Variants in SNX19 observed in about 807,000 individuals in gnomAD.
SNX19 encodes sorting nexin 19, also known as sorting nexin-19.
A neutral mutation model predicts 85.2 loss-of-function variants in SNX19; 60 were observed. That is an observed-to-expected ratio of 0.70 (90% CI 0.57 to 0.87). SNX19 has a LOEUF of 0.87. SNX19 is among the 40% of genes least tolerant of loss of function. The pLI, the probability that SNX19 is intolerant of heterozygous loss-of-function variation, is 0.00. For missense variants in SNX19, 1,201 were observed against 1,217.8 expected (o/e 0.99, Z 0.21); for synonymous variants, 520 against 470.0 (o/e 1.11, Z -1.38).
At position 130,873,602 on chromosome 11, in the gene SNX19, T is replaced by C. The variant is rs756179863; in HGVS notation, c.*4820A>G. 1.5e-4 allele frequency among the ~76,000 whole-genome samples: 23 copies of C among 152,162 alleles called. No homozygotes were observed. The highest frequency in any genetic ancestry group is 4.1e-4 in the African/African-American group (17 of 41,446). On this transcript the variant is annotated 3_prime_UTR_variant, in exon 11 of 11. Coordinates refer to ENST00000265909, the MANE Select transcript of SNX19 (RefSeq NM_014758.3). Reference sequence around the variant, plus strand: ...ACCTAGAAAATGGGGATATATTAGATTGGTGCAAAAGTAATTGCATTAAAA... The same window carrying C: ...ACCTAGAAAATGGGGATATATTAGACTGGTGCAAAAGTAATTGCATTAAAA...
intron 8 of SNX19, among the ~76,000 whole-genome samples, chr11:130,884,754 C>A (rs1167925791): frequency 2.0e-5 from 3 of 151,522 alleles, no homozygotes; most frequent in Non-Finnish European, 4.4e-5. Flanking sequence ...CCTGTAGTCT[C>A]CAGCTACTCG....
At chr11:130,909,369 C>T (rs1945914362) in intron 4 of SNX19, among the ~76,000 whole-genome samples, 1 of 152,222 alleles carries the variant, frequency 6.6e-6, no homozygotes, top group Non-Finnish European at 1.5e-5. Flanking sequence ...GGCTACTCTT[C>T]CGCCAATGTG....
rs1427061182 is a variant in SNX19 at position 130,867,182 on chromosome 11, C to T, written c.*11240G>A. 1.3e-5 allele frequency: 2 copies of T among 152,318 alleles called. No homozygotes were observed. Among genetic ancestry groups the T allele is most frequent in the East Asian group, 3.9e-4 (2 of 5,190 alleles). The allele number at this position is 152,318 out of a possible 1,614,324, so 9.4% of individuals were successfully genotyped here. A position where few individuals can be genotyped will look rare whatever the true frequency, so the allele number is the denominator to read the frequency against. The stretch of plus-strand genomic sequence containing the variant: ...GCTCTCTGCATTTCAGTTTCCTCTT[C>T]AGTAAAATGAGGACATGAGTATTAA... On this transcript the variant is annotated 3_prime_UTR_variant, in exon 11 of 11. Transcript: ENST00000265909.
intron 8 of SNX19, among the ~76,000 whole-genome samples, chr11:130,899,072 G>T (rs1297119843): frequency 6.6e-6 from 1 of 152,152 alleles, no homozygotes; most frequent in Non-Finnish European, 1.5e-5. Flanking sequence ...TAAAATGAGG[G>T]TCATAGTACC....
chr11:130,894,016 G>A, intron 8 of SNX19: 1 of 576,364 alleles, frequency 1.7e-6, no homozygotes. Context: ...ATGGGGGAGA[G>A]CCAAACGGTC....
intron 5 of SNX19, among the ~76,000 whole-genome samples, chr11:130,907,685 A>G (rs916202607): frequency 1.3e-5 from 2 of 152,198 alleles, no homozygotes; most frequent in African/African-American, 4.8e-5. Flanking sequence ...TAGTCAAAAG[A>G]GAATATTCTT....
rs1322732309 is a variant in SNX19, at chr11:130,874,441, C to T, written c.*3981G>A. ...TCTCTGGGTGTGATGCCTGAAACTGCAGCAGCAGGAAGGCAGGCAGTCTGA... is the reference window on the plus strand; with the variant it reads ...TCTCTGGGTGTGATGCCTGAAACTGTAGCAGCAGGAAGGCAGGCAGTCTGA... On this transcript the variant is annotated 3_prime_UTR_variant, in exon 11 of 11. Transcript: ENST00000265909. 3.9e-5 allele frequency among the ~76,000 whole-genome samples: 6 copies of T among 152,314 alleles called. No homozygotes were observed. In the East Asian group the frequency reaches 9.6e-4, roughly 24 times the overall value.
chr11:130,910,911 T>A (rs542878553), intron 2 of SNX19, among the ~76,000 whole-genome samples: 1 of 152,306 alleles, frequency 6.6e-6, no homozygotes, highest in Non-Finnish European at 1.5e-5. Flanking sequence ...TAAAAAATAT[T>A]TGGCTGGGCG....
In SNX19 at chr11:130,914,983, T is replaced by C; in HGVS notation, c.957A>G (p.Pro319=). Residue 319 remains proline, a synonymous_variant, in exon 1 of 11, where the codon CCA becomes CCG. Coordinates refer to ENST00000265909, the MANE Select transcript of SNX19 (RefSeq NM_014758.3). ...AAPVFLSYSE[P]EGSAGPSPEV... Reference sequence around the variant, plus strand: ...CTGGAGAGGGGCCTGCAGAACCCTCTGGCTCACTGTAACTTAGGAATACTG... The same window carrying C: ...CTGGAGAGGGGCCTGCAGAACCCTCCGGCTCACTGTAACTTAGGAATACTG... The C allele has an allele frequency of 6.2e-7, 1 of 1,614,192 alleles. No individual in the cohort carries two copies. The highest frequency in any genetic ancestry group is 1.3e-5 in the African/African-American group (1 of 75,064).
chr11:130,891,493 C>T (rs948014919), intron 8 of SNX19, among the ~76,000 whole-genome samples: 1 of 152,026 alleles, frequency 6.6e-6, no homozygotes, highest in African/African-American at 2.4e-5. Context: ...GGGAAATAGG[C>T]CCAGAGGATA....
intron 10 of SNX19, among the ~76,000 whole-genome samples, chr11:130,879,322 G>A (rs1224425135): frequency 6.6e-6 from 1 of 152,192 alleles, no homozygotes; most frequent in African/African-American, 2.4e-5. Context: ...CAAGCCTGGA[G>A]GATAAGAGGT....
At chr11:130,913,478 G>A (rs1231788138) in intron 1 of SNX19, among the ~76,000 whole-genome samples, 2 of 152,206 alleles carry the variant, frequency 1.3e-5, no homozygotes, top group African/African-American at 4.8e-5. Flanking sequence ...ATGCAGCTGT[G>A]TTGAGCAGAT....
Position 130,911,679 on chromosome 11 carries a change from C to CA in SNX19, c.1766dup (p.Gln590AlafsTer21). 1 of 1,614,152 alleles carries CA rather than the reference C, an allele frequency of 6.2e-7. No homozygotes were observed. The highest frequency in any genetic ancestry group is 1.3e-5 in the African/African-American group (1 of 75,032). ...CTGGTTTCTCCTCCAGACGGGTCTGCAGATTCAAGAACTCCCGATAGCGAC... is the reference window on the plus strand; with the variant it reads ...CTGGTTTCTCCTCCAGACGGGTCTGCAAGATTCAAGAACTCCCGATAGCGAC... On this transcript the variant is annotated frameshift_variant, in exon 2 of 11. Coordinates refer to ENST00000265909, the MANE Select transcript of SNX19 (RefSeq NM_014758.3). LOFTEE classifies it high-confidence loss of function.
chr11:130,901,139 T>TAA (rs1159492410), intron 8 of SNX19, among the ~76,000 whole-genome samples: 1 of 152,180 alleles, frequency 6.6e-6, no homozygotes, highest in Non-Finnish European at 1.5e-5. Context: ...TTTAGCAGCA[T>TAA]CCTTGGCCTA....
At chr11:130,906,944 A>T (rs889016663) in intron 5 of SNX19, among the ~76,000 whole-genome samples, 1 of 152,228 alleles carries the variant, frequency 6.6e-6, no homozygotes, top group African/African-American at 2.4e-5. Flanking sequence ...ACACTAAGCT[A>T]TGTCTACAGT....
intron 8 of SNX19, among the ~76,000 whole-genome samples, chr11:130,889,923 A>G (rs1829898849): frequency 1.3e-5 from 2 of 152,312 alleles, no homozygotes; most frequent in South Asian, 4.1e-4. Flanking sequence ...TTACAGATAG[A>G]AAAAAAGTTG....
intron 1 of SNX19, among the ~76,000 whole-genome samples, chr11:130,913,557 G>T (rs1294811766): frequency 6.6e-6 from 1 of 152,018 alleles, no homozygotes; most frequent in African/African-American, 2.4e-5. Context: ...GCTGTCCCTG[G>T]TGGTAGCTTG....
intron 6 of SNX19, 96 bp from the exon 7 acceptor site, chr11:130,906,229 A>T (rs1592354663): frequency 1.6e-6 from 2 of 1,285,282 alleles, no homozygotes; most frequent in East Asian, 4.8e-5. Flanking sequence ...CTGCATAAGT[A>T]CCTTGGGTAT....
intron 2 of SNX19, among the ~76,000 whole-genome samples, chr11:130,910,700 C>T (rs73028875): frequency 0.17 from 25,418 of 152,032 alleles, 2,264 homozygotes; most frequent in Middle Eastern, 0.24. Flanking sequence ...CACAGGCTGA[C>T]GGGAGCATTA....
Sources: allele counts gnomAD v4.1 joint callset (sites outside exome capture counted in the v4.1 genomes callset), GRCh38; gene constraint gnomAD v4.1.1; transcripts MANE v1.5; gene names NCBI Gene and HGNC (gene_info 2026-07-23, HGNC 2026-07-21).